Variants in PACRG observed in about 807,000 individuals in gnomAD.
PACRG encodes the protein parkin coregulated, also known as parkin coregulated gene protein.
A neutral mutation model predicts 29.7 loss-of-function variants in PACRG; 29 were observed. That is an observed-to-expected ratio of 0.98 (90% CI 0.73 to 1.33). PACRG has a LOEUF of 1.33. PACRG is among the 40% of genes most tolerant of loss of function. PACRG has a pLI of 0.00. For synonymous variants in PACRG, 116 were observed against 118.7 expected (o/e 0.98, Z 0.15); for missense variants, 279 against 316.2 (o/e 0.88, Z 0.89).
intron 4 of PACRG, among the ~76,000 whole-genome samples, chr6:163,142,387 A>G (rs1242426287): frequency 6.6e-6 from 1 of 152,214 alleles, no homozygotes; most frequent in Non-Finnish European, 1.5e-5. Context: ...AATTCAGTTG[A>G]AAGAAATAAT....
At chr6:163,084,632 C>T (rs1238228711) in intron 3 of PACRG, among the ~76,000 whole-genome samples, 4 of 152,022 alleles carry the variant, frequency 2.6e-5, no homozygotes, top group African/African-American at 9.7e-5. Context: ...ACTTCTTGGT[C>T]ACTGTCAATC....
intron 2 of PACRG, among the ~76,000 whole-genome samples, chr6:162,904,445 G>A (rs1411370535): frequency 6.6e-6 from 1 of 152,094 alleles, no homozygotes; most frequent in African/African-American, 2.4e-5. Context: ...GCTGACCTGG[G>A]AGCACGTGGA....
chr6:162,972,807 C>G (rs1801641632), intron 2 of PACRG, among the ~76,000 whole-genome samples: 1 of 152,120 alleles, frequency 6.6e-6, no homozygotes, highest in Non-Finnish European at 1.5e-5. Context: ...GTGTACTGGT[C>G]TTGTATGTCT....
At position 162,740,079 on chromosome 6, in the gene PACRG, C is replaced by T. The variant is rs149203352; in HGVS notation, c.156+11688C>T. Among the ~76,000 whole-genome samples, 182 of 151,984 alleles carry T rather than the reference C, an allele frequency of 1.2e-3. 1 individual carries two copies. The highest frequency in any genetic ancestry group is 4.1e-3 in the African/African-American group (170 of 41,460). ...TAACTGAGTACTCTGTATTATGTCC[C>T]ATTAGTCTCTTTGTCTGTCTCTGAA... On this transcript the variant is annotated intron_variant, in intron 1 of 4. Coordinates refer to ENST00000366888, the MANE Select transcript of PACRG (RefSeq NM_001080379.2).
At chr6:162,949,277 C>G (rs1321517261) in intron 2 of PACRG, among the ~76,000 whole-genome samples, 1 of 151,990 alleles carries the variant, frequency 6.6e-6, no homozygotes, top group Non-Finnish European at 1.5e-5. Flanking sequence ...GCATGTTCTC[C>G]CTCATATGTG....
At chr6:162,834,288 C>T (rs1331955402) in intron 2 of PACRG, among the ~76,000 whole-genome samples, 3 of 151,966 alleles carry the variant, frequency 2.0e-5, no homozygotes, top group Admixed American at 1.3e-4. Context: ...ATATGAAATA[C>T]ATATAATTTA....
At chr6:163,174,881 C>T (rs10945878) in intron 4 of PACRG, among the ~76,000 whole-genome samples, 38,711 of 151,502 alleles carry the variant, frequency 0.26, 5,712 homozygotes, top group East Asian at 0.46. Flanking sequence ...TCACAGCACA[C>T]GTAAATAAAT....
intron 4 of PACRG, among the ~76,000 whole-genome samples, chr6:163,222,676 A>G (rs906901798): frequency 8.5e-5 from 13 of 152,226 alleles, no homozygotes; most frequent in African/African-American, 3.1e-4. Context: ...TGGCCATCCT[A>G]AAAGAGCTGA....
rs11962274 is a variant in PACRG, at chr6:162,953,953, G to A, written c.292-108197G>A. ...TTAACTATCAAGATGGAATATTAAT[G>A]TAGAATACCAATTTTTTATTTTTAC... On this transcript the variant is annotated intron_variant, in intron 2 of 4. Transcript: ENST00000366888. Among the ~76,000 whole-genome samples, 751 of 152,224 alleles carry A rather than the reference G, an allele frequency of 4.9e-3. 10 individuals are homozygous for A. The highest frequency in any genetic ancestry group is 0.017 in the African/African-American group (719 of 41,534).
chr6:163,072,974 T>C (rs1231461897), intron 3 of PACRG, among the ~76,000 whole-genome samples: 5 of 152,166 alleles, frequency 3.3e-5, no homozygotes. Flanking sequence ...AATGGAAAGA[T>C]ATTTTATGTT....
intron 4 of PACRG, among the ~76,000 whole-genome samples, chr6:163,207,034 A>C (rs1186274785): frequency 1.3e-5 from 2 of 152,050 alleles, no homozygotes; most frequent in Non-Finnish European, 2.9e-5. Context: ...CTAGGATTTT[A>C]TTTCTTTTCT....
intron 2 of PACRG, among the ~76,000 whole-genome samples, chr6:162,993,040 G>C (rs1268239736): frequency 1.4e-5 from 2 of 144,250 alleles, no homozygotes; most frequent in Admixed American, 1.4e-4. Flanking sequence ...TTTCCATGTA[G>C]TTGAGCGGCT....
rs764107244 is a variant in PACRG at position 163,053,083 on chromosome 6, TAAAG to T, written c.292-9061_292-9058del. ...TTTTAATTCTGGATTTCTTAAACTT[TAAAG>T]AAAGATTCCTAAATTTGAAAACTAC... On this transcript the variant is annotated intron_variant, in intron 2 of 4. Coordinates refer to ENST00000366888, the MANE Select transcript of PACRG (RefSeq NM_001080379.2). Among the ~76,000 whole-genome samples the T allele has an allele frequency of 1.4e-3, 209 of 152,258 alleles. 1 individual carries two copies. Among genetic ancestry groups the T allele is most frequent in the Non-Finnish European group, 1.7e-3 (114 of 68,002 alleles).
chr6:163,226,056 G>A (rs956704541), intron 4 of PACRG, among the ~76,000 whole-genome samples: 1 of 152,054 alleles, frequency 6.6e-6, no homozygotes, highest in East Asian at 1.9e-4. Flanking sequence ...TCTCATTTTC[G>A]ACAACATGAA....
At position 162,763,998 on chromosome 6, in the gene PACRG, C is replaced by T. The variant is rs116784615; in HGVS notation, c.156+35607C>T. On this transcript the variant is annotated intron_variant, in intron 1 of 4. Transcript: ENST00000366888. ...CTTTTAAAATGGGGTGCTCCAGGCCCGGCATGGTGGCTCACGCCTGTAATT... is the reference window on the plus strand; with the variant it reads ...CTTTTAAAATGGGGTGCTCCAGGCCTGGCATGGTGGCTCACGCCTGTAATT... Among the ~76,000 whole-genome samples the T allele has an allele frequency of 4.3e-3, 655 of 152,204 alleles. 2 individuals are homozygous for T. Among genetic ancestry groups the T allele is most frequent in the African/African-American group, 0.015 (626 of 41,538 alleles).
chr6:162,738,009 G>A (rs1401416266), intron 1 of PACRG, among the ~76,000 whole-genome samples: 1 of 151,928 alleles, frequency 6.6e-6, no homozygotes, highest in African/African-American at 2.4e-5. Context: ...TAGAAAAAGA[G>A]GCATTTATTC....
At chr6:163,031,029 C>G (rs1226991102) in intron 2 of PACRG, among the ~76,000 whole-genome samples, 1 of 152,152 alleles carries the variant, frequency 6.6e-6, no homozygotes, top group Non-Finnish European at 1.5e-5. Flanking sequence ...GATATTCCTG[C>G]CTAACTTCTA....
chr6:163,105,090 T>G, intron 4 of PACRG, among the ~76,000 whole-genome samples: 1 of 152,148 alleles, frequency 6.6e-6, no homozygotes, highest in East Asian at 1.9e-4. Context: ...TTACTAGAAA[T>G]TTATTGCACT....
At chr6:162,794,776 C>A (rs1284047313) in intron 1 of PACRG, among the ~76,000 whole-genome samples, 1 of 152,184 alleles carries the variant, frequency 6.6e-6, no homozygotes, top group Non-Finnish European at 1.5e-5. Context: ...AACACCTGTT[C>A]TGTACCATGT....
Sources: gnomAD v4.1 joint callset for allele counts (sites outside exome capture counted in the v4.1 genomes callset) on GRCh38, gnomAD v4.1.1 for gene constraint, MANE v1.5 for transcripts, NCBI Gene and HGNC (gene_info 2026-07-23, HGNC 2026-07-21) for gene names.